Variants in GPC5 observed in about 807,000 individuals in gnomAD.
GPC5 encodes the protein glypican 5, also known as glypican-5.
GPC5 carries 47 observed loss-of-function variants against 53.9 expected under a neutral mutation model. The ratio of observed to expected loss-of-function variants is 0.87; its 90% CI spans 0.69 to 1.11. GPC5 has a LOEUF of 1.11. Among genes scored for constraint, GPC5 ranks in the 50% most tolerant of loss-of-function variants. GPC5 has a pLI of 0.00. For synonymous variants in GPC5, 286 were observed against 263.3 expected (o/e 1.09, Z -0.84); for missense variants, 748 against 713.1 (o/e 1.05, Z -0.56).
chr13:92,440,466 T>C (rs776912754), intron 7 of GPC5, among the ~76,000 whole-genome samples: 5 of 152,198 alleles, frequency 3.3e-5, no homozygotes, highest in Admixed American at 6.5e-5. Flanking sequence ...TATTCCATGG[T>C]ATATACGTAC....
At chr13:92,344,177 A>T (rs147806493) in intron 7 of GPC5, among the ~76,000 whole-genome samples, 24 of 152,264 alleles carry the variant, frequency 1.6e-4, no homozygotes, top group African/African-American at 5.3e-4. Flanking sequence ...GGAAACCTAT[A>T]ATCATGGCAG....
intron 1 of GPC5, among the ~76,000 whole-genome samples, chr13:91,430,645 T>A (rs1413583293): frequency 6.6e-6 from 1 of 152,190 alleles, no homozygotes; most frequent in African/African-American, 2.4e-5. Flanking sequence ...GGAAGAAGCC[T>A]TCTGTAAAAC....
intron 7 of GPC5, among the ~76,000 whole-genome samples, chr13:92,469,328 C>T (rs1438500669): frequency 6.6e-6 from 1 of 152,048 alleles, no homozygotes; most frequent in Non-Finnish European, 1.5e-5. Context: ...CTGCCTCAAC[C>T]TCCCAAGTAT....
chr13:91,593,490 C>T (rs958349392), intron 2 of GPC5, among the ~76,000 whole-genome samples: 5 of 151,958 alleles, frequency 3.3e-5, no homozygotes, highest in Non-Finnish European at 5.9e-5. Context: ...ATGAATTTTC[C>T]TTTTAGTAGA....
chr13:92,705,134 G>A (rs1451783332), intron 7 of GPC5, among the ~76,000 whole-genome samples: 1 of 151,736 alleles, frequency 6.6e-6, no homozygotes, highest in Non-Finnish European at 1.5e-5. Context: ...TATCTCTAGT[G>A]GTCATTTTTT....
At chr13:92,010,789 C>A (rs778398689) in intron 6 of GPC5, among the ~76,000 whole-genome samples, 2 of 152,106 alleles carry the variant, frequency 1.3e-5, no homozygotes, top group Non-Finnish European at 2.9e-5. Context: ...GAAGGGAGGC[C>A]ACACGAGGCA....
In GPC5 at chr13:91,986,061, C is replaced by CTTTTTTTTTT. The variant is rs779259362; in HGVS notation, c.1401+78017_1401+78026dup. Among the ~76,000 whole-genome samples the CTTTTTTTTTT allele has an allele frequency of 3.0e-4, 29 of 95,460 alleles. 1 individual carries two copies. Among genetic ancestry groups the CTTTTTTTTTT allele is most frequent in the African/African-American group, 4.0e-4 (9 of 22,558 alleles). The allele number at this position is 95,460 out of a possible 152,430, so 62.6% of individuals were successfully genotyped here. A position where few individuals can be genotyped will look rare whatever the true frequency, so the allele number is the denominator to read the frequency against. On this transcript the variant is annotated intron_variant, in intron 6 of 7. Transcript: ENST00000377067. ...ATTTTAAATTTATTCTTAGCCAATACTTTTTTTTTTTTTTTTTTTTTTGAG... is the reference window on the plus strand; with the variant it reads ...ATTTTAAATTTATTCTTAGCCAATACTTTTTTTTTTTTTTTTTTTTTTTTTTTTTTTTGAG...
chr13:92,027,231 T>A (rs1415275956), intron 6 of GPC5, among the ~76,000 whole-genome samples: 1 of 152,138 alleles, frequency 6.6e-6, no homozygotes, highest in Non-Finnish European at 1.5e-5. Context: ...AGAAAATACT[T>A]TTGGTGGTTT....
intron 5 of GPC5, among the ~76,000 whole-genome samples, chr13:91,901,121 A>T (rs1411766863): frequency 6.6e-6 from 1 of 152,078 alleles, no homozygotes; most frequent in Non-Finnish European, 1.5e-5. Flanking sequence ...ATATCATAAA[A>T]TATTATATTC....
chr13:92,069,268 T>C (rs919734169), intron 6 of GPC5, among the ~76,000 whole-genome samples: 3 of 152,130 alleles, frequency 2.0e-5, no homozygotes, highest in Admixed American at 2.0e-4. Context: ...TAATATAGTT[T>C]GATAGAAAAT....
intron 7 of GPC5, among the ~76,000 whole-genome samples, chr13:92,203,662 AT>A (rs67888196): frequency 0.48 from 69,329 of 143,118 alleles, 18,630 homozygotes; most frequent in South Asian, 0.64. Context: ...ATATAAAAAA[AT>A]AAATAAATAA....
At chr13:92,485,302 T>C (rs898286198) in intron 7 of GPC5, among the ~76,000 whole-genome samples, 7 of 152,240 alleles carry the variant, frequency 4.6e-5, no homozygotes, top group African/African-American at 1.7e-4. Flanking sequence ...GTCTTACTAA[T>C]TAAATGTTAT....
intron 2 of GPC5, among the ~76,000 whole-genome samples, chr13:91,516,265 G>A (rs1594195785): frequency 6.6e-6 from 1 of 152,258 alleles, no homozygotes; most frequent in Middle Eastern, 3.4e-3. Flanking sequence ...TATGAGTCTG[G>A]AAAATCAAAA....
chr13:92,115,548 C>G (rs2041593545), intron 6 of GPC5, among the ~76,000 whole-genome samples: 1 of 152,106 alleles, frequency 6.6e-6, no homozygotes, highest in African/African-American at 2.4e-5. Flanking sequence ...CTATCCCTTT[C>G]TAGTCAAACT....
At chr13:92,206,069 C>A (rs1171687832) in intron 7 of GPC5, among the ~76,000 whole-genome samples, 1 of 147,660 alleles carries the variant, frequency 6.8e-6, no homozygotes, top group Non-Finnish European at 1.5e-5. Context: ...AAAAACCCAA[C>A]AACGATTCCA....
At chr13:91,696,104 G>A (rs2035873698) in intron 3 of GPC5, among the ~76,000 whole-genome samples, 1 of 152,088 alleles carries the variant, frequency 6.6e-6, no homozygotes, top group African/African-American at 2.4e-5. Flanking sequence ...GTAGGCAGTT[G>A]GTACCTGATA....
At chr13:92,584,225 T>C (rs960015476) in intron 7 of GPC5, among the ~76,000 whole-genome samples, 1 of 152,074 alleles carries the variant, frequency 6.6e-6, no homozygotes, top group Non-Finnish European at 1.5e-5. Context: ...GTGGGAAAGT[T>C]TGGAACCTCC....
chr13:92,260,179 C>G (rs1230251935), intron 7 of GPC5, among the ~76,000 whole-genome samples: 1 of 152,154 alleles, frequency 6.6e-6, no homozygotes. Flanking sequence ...CCTGGCCACT[C>G]TTCTACCTTG....
At position 91,964,254 on chromosome 13, in the gene GPC5, A is replaced by G. The variant is rs143571488; in HGVS notation, c.1401+56197A>G. 3.6e-3 allele frequency among the ~76,000 whole-genome samples: 551 copies of G among 152,300 alleles called. 2 individuals carry two copies. The highest frequency in any genetic ancestry group is 0.013 in the African/African-American group (534 of 41,552). ...AGCAGCAGCAAGATTTCTTGCAAAC[A>G]GTGAAAGAACAAAGCCTCCAAAGGG... On this transcript the variant is annotated intron_variant, in intron 6 of 7. Transcript: ENST00000377067.
Sources: gnomAD v4.1 joint callset for allele counts (sites outside exome capture counted in the v4.1 genomes callset) on GRCh38, gnomAD v4.1.1 for gene constraint, MANE v1.5 for transcripts, NCBI Gene and HGNC (gene_info 2026-07-23, HGNC 2026-07-21) for gene names.